Variants in TBXAS1 observed in about 807,000 individuals in gnomAD.
TBXAS1 encodes the protein thromboxane A synthase 1.
TBXAS1 carries 48 observed loss-of-function variants against 60.7 expected under a neutral mutation model. The ratio of observed to expected loss-of-function variants is 0.79; its 90% confidence interval spans 0.63 to 1.01. The LOEUF (loss-of-function observed/expected upper bound fraction) is 1.01. Among genes scored for constraint, TBXAS1 ranks in the 50% least tolerant of loss-of-function variants. The probability of loss-of-function intolerance (pLI) is 0.00; values close to 1 mark genes in which losing one functional copy is unlikely to be tolerated. For missense variants in TBXAS1, 685 were observed against 686.3 expected (o/e 1.00, Z 0.02); for synonymous variants, 287 against 269.7 (o/e 1.06, Z -0.63).
intron 4 of TBXAS1, among the ~76,000 whole-genome samples, chr7:139,800,835 T>C (rs1161084125): frequency 6.6e-6 from 1 of 152,242 alleles, no homozygotes; most frequent in African/African-American, 2.4e-5. Context: ...AGTCTTTTCC[T>C]ATCAGTTATC....
upstream of TBXAS1, among the ~76,000 whole-genome samples, chr7:139,828,885 G>A (rs912795907): frequency 1.3e-5 from 2 of 152,114 alleles, no homozygotes; most frequent in African/African-American, 2.4e-5. Flanking sequence ...GTCTGGTCCT[G>A]TATTTTTCTG....
rs563896665 is a variant in TBXAS1 at position 139,821,208 on chromosome 7, G to A, written c.-79-8104G>A. On this transcript the variant is annotated intron_variant, in intron 4 of 16. Coordinates refer to the TBXAS1 transcript ENST00000336425. ...GGAGGAAGGTACAATTTACTGAGACGGGGGAGATGGGATGAGGTTAATGGA... is the reference window on the plus strand; with the variant it reads ...GGAGGAAGGTACAATTTACTGAGACAGGGGAGATGGGATGAGGTTAATGGA... Among the ~76,000 whole-genome samples the A allele has an allele frequency of 6.6e-5, 10 of 152,286 alleles. No individual in the cohort carries two copies. In the East Asian group the frequency reaches 1.4e-3, roughly 21 times the overall value.
At chr7:139,869,172 A>G (rs1440459455) in intron 1 of TBXAS1, among the ~76,000 whole-genome samples, 1 of 152,166 alleles carries the variant, frequency 6.6e-6, no homozygotes, top group Non-Finnish European at 1.5e-5. Flanking sequence ...TATGTTCCCT[A>G]TGAAATCTGT....
intron 9 of TBXAS1, among the ~76,000 whole-genome samples, chr7:140,001,841 G>C (rs1330602428): frequency 6.6e-6 from 1 of 152,204 alleles, no homozygotes; most frequent in Non-Finnish European, 1.5e-5. Flanking sequence ...AGCAGCCTCT[G>C]AACAAGGCCA....
At chr7:139,832,378 G>T (rs541634584) in intron 1 of TBXAS1, among the ~76,000 whole-genome samples, 1 of 151,116 alleles carries the variant, frequency 6.6e-6, no homozygotes, top group East Asian at 2.0e-4. Flanking sequence ...TCAAAGACAA[G>T]GTCTTTGAAT....
At chr7:139,872,541 C>A (rs566840794) in intron 2 of TBXAS1, among the ~76,000 whole-genome samples, 1 of 152,294 alleles carries the variant, frequency 6.6e-6, no homozygotes, top group Non-Finnish European at 1.5e-5. Context: ...GTAATCCCAG[C>A]TACTTGGGAG....
chr7:139,984,781 A>AAAAG (rs951941164), intron 9 of TBXAS1, among the ~76,000 whole-genome samples: 1 of 140,780 alleles, frequency 7.1e-6, no homozygotes, highest in Non-Finnish European at 1.5e-5. Context: ...AGAAAGAAAG[A>AAAAG]AAAGAAAGAA....
rs1055430243 is a variant in TBXAS1, at chr7:139,878,205, T to C, written c.236+2568T>C. The stretch of plus-strand genomic sequence containing the variant: ...AGAGAGAAAGAGACAGAGAAAGAGA[T>C]AGAAAGAGATAGAGAGAGATAGAAG... On this transcript the variant is annotated intron_variant, in intron 3 of 12. Transcript: ENST00000448866. Among the ~76,000 whole-genome samples, 18 of 105,258 alleles carry C rather than the reference T, an allele frequency of 1.7e-4. No homozygotes were observed. The East Asian group carries it at 4.9e-3, about 28-fold the overall frequency. 69.1% of individuals were successfully genotyped at this position (105,258 alleles called of 152,430 possible). A position where few individuals can be genotyped will look rare whatever the true frequency, so the allele number is the denominator to read the frequency against.
intron 3 of TBXAS1, among the ~76,000 whole-genome samples, chr7:139,786,502 C>T (rs1295659877): frequency 6.6e-6 from 1 of 152,150 alleles, no homozygotes; most frequent in Non-Finnish European, 1.5e-5. Flanking sequence ...CCAACAACTT[C>T]AAGGCTTAAT....
chr7:139,895,498 T>G (rs2116956655), intron 3 of TBXAS1, among the ~76,000 whole-genome samples: 1 of 152,322 alleles, frequency 6.6e-6, no homozygotes, highest in African/African-American at 2.4e-5. Context: ...TCTGTGTTCC[T>G]ACTCAGCCCG....
At chr7:139,810,201 C>T (rs1797992542) in intron 4 of TBXAS1, among the ~76,000 whole-genome samples, 1 of 151,454 alleles carries the variant, frequency 6.6e-6, no homozygotes, top group Non-Finnish European at 1.5e-5. Flanking sequence ...CAATGCCTGA[C>T]TTTTTTTTTC....
At chr7:139,970,918 C>A (rs568752970) in intron 9 of TBXAS1, among the ~76,000 whole-genome samples, 1 of 152,242 alleles carries the variant, frequency 6.6e-6, no homozygotes, top group South Asian at 2.1e-4. Context: ...GGGGCTCCAC[C>A]CAGCCCCTTA....
At position 139,944,722 on chromosome 7, in the gene TBXAS1, G is replaced by A. The variant is rs147412346; in HGVS notation, c.450+8415G>A. Among the ~76,000 whole-genome samples the A allele has an allele frequency of 2.2e-4, 34 of 152,212 alleles. No homozygotes were observed. In the East Asian group the frequency reaches 5.6e-3, roughly 25 times the overall value. The stretch of plus-strand genomic sequence containing the variant: ...CTGTGGCTCTTTTGAGTCCCTCTTC[G>A]TGTGTGGATCAACAAGTCACCCAAG... On this transcript the variant is annotated intron_variant, in intron 5 of 12. Transcript: ENST00000448866.
chr7:139,893,184 T>G (rs921774250), intron 3 of TBXAS1, among the ~76,000 whole-genome samples: 4 of 152,164 alleles, frequency 2.6e-5, no homozygotes, highest in African/African-American at 9.7e-5. Context: ...CTTCCTCCCC[T>G]GGCCTCACTG....
At chr7:139,903,611 T>G (rs1176277942) in intron 3 of TBXAS1, among the ~76,000 whole-genome samples, 3 of 152,002 alleles carry the variant, frequency 2.0e-5, no homozygotes, top group African/African-American at 7.3e-5. Flanking sequence ...CATCTACTGT[T>G]TTTTTAATTA....
At chr7:139,823,597 G>C (rs1457252967) in intron 4 of TBXAS1, among the ~76,000 whole-genome samples, 1 of 152,126 alleles carries the variant, frequency 6.6e-6, no homozygotes, top group Non-Finnish European at 1.5e-5. Flanking sequence ...TCTGCACCCT[G>C]GAGGTAAACA....
intron 3 of TBXAS1, among the ~76,000 whole-genome samples, chr7:139,891,343 T>C (rs1314392411): frequency 1.3e-5 from 2 of 152,012 alleles, no homozygotes; most frequent in African/African-American, 4.8e-5. Flanking sequence ...GTGTGGATCA[T>C]GTCCCTCCAA....
intron 1 of TBXAS1, among the ~76,000 whole-genome samples, chr7:139,854,324 T>C (rs887134772): frequency 6.6e-6 from 1 of 152,106 alleles, no homozygotes; most frequent in Non-Finnish European, 1.5e-5. Context: ...GGGACAGAGA[T>C]GACTTACAGT....
chr7:139,843,206 G>A (rs1799578644), intron 1 of TBXAS1, among the ~76,000 whole-genome samples: 2 of 152,146 alleles, frequency 1.3e-5, no homozygotes. Context: ...TCAAAATCTT[G>A]TCTAAATGTC....
Sources: gnomAD v4.1 joint callset for allele counts (sites outside exome capture counted in the v4.1 genomes callset) on GRCh38, gnomAD v4.1.1 for gene constraint, MANE v1.5 for transcripts, NCBI Gene and HGNC (gene_info 2026-07-23, HGNC 2026-07-21) for gene names.